Variants in GABRA3 observed in about 807,000 individuals in gnomAD.
GABRA3 encodes gamma-aminobutyric acid type A receptor subunit alpha3, also known as gamma-aminobutyric acid receptor subunit alpha-3.
A neutral mutation model predicts 30.1 loss-of-function variants in GABRA3; 10 were observed. The ratio of observed to expected loss-of-function variants is 0.33; its 90% confidence interval spans 0.20 to 0.56. The LOEUF (loss-of-function observed/expected upper bound fraction) is 0.56. Ranked by LOEUF, GABRA3 falls within the 20% of genes least tolerant of loss-of-function variation. GABRA3 has a pLI of 0.89. For synonymous variants in GABRA3, 151 were observed against 146.8 expected (o/e 1.03, Z -0.21); for missense variants, 233 against 392.0 (o/e 0.59, Z 3.42).
At chrX:152,203,174 T>G (rs12012215) in intron 7 of GABRA3, among the ~76,000 whole-genome samples, 1 of 111,319 alleles carries the variant, frequency 9.0e-6, no homozygotes, top group African/African-American at 3.3e-5. Context: ...TAGGGACATT[T>G]CCTGCAGATC....
rs61560461 is a variant in GABRA3 at position 152,176,065 on chromosome X, AAAATAAATAAATAAATAAAT to A, written c.1144-7522_1144-7503del. 1.2e-4 allele frequency among the ~76,000 whole-genome samples: 11 copies of A among 93,955 alleles called. No individual in the cohort carries two copies. The East Asian group carries it at 3.3e-3, about 28-fold the overall frequency. The allele number at this position is 93,955 out of a possible 115,157, so 81.6% of individuals were successfully genotyped here. Reference sequence around the variant, plus strand: ...GGTGACAGAGTGAGTTTCCATCTCAAAAATAAATAAATAAATAAATAAATAAATAAATAAATAAATAAATA... The same window carrying A: ...GGTGACAGAGTGAGTTTCCATCTCAAAAATAAATAAATAAATAAATAAATA... On this transcript the variant is annotated intron_variant, in intron 9 of 9. Coordinates refer to ENST00000370314, the MANE Select transcript of GABRA3 (RefSeq NM_000808.4).
At chrX:152,331,242 AC>A (rs759593198) in intron 3 of GABRA3, among the ~76,000 whole-genome samples, 204 of 109,490 alleles carry the variant, frequency 1.9e-3, no homozygotes, top group African/African-American at 6.6e-3. Context: ...ATTCAAAGGG[AC>A]CATCTACAGA....
At chrX:152,410,385 A>G (rs1220442158) in intron 1 of GABRA3, among the ~76,000 whole-genome samples, 1 of 111,898 alleles carries the variant, frequency 8.9e-6, no homozygotes, top group Non-Finnish European at 1.9e-5. Context: ...TGTTCCTAAC[A>G]CAAGGAAATG....
intron 3 of GABRA3, among the ~76,000 whole-genome samples, chrX:152,287,822 C>T (rs1294294774): frequency 9.1e-6 from 1 of 110,053 alleles, no homozygotes; most frequent in Non-Finnish European, 1.9e-5. Flanking sequence ...TCATTCAACA[C>T]CACTTCCTCT....
At chrX:152,187,533 A>C (rs747876216) in intron 9 of GABRA3, among the ~76,000 whole-genome samples, 155 of 112,234 alleles carry the variant, frequency 1.4e-3, no homozygotes, top group African/African-American at 4.8e-3. Context: ...ACACATGCAC[A>C]AGCACATACA....
intron 6 of GABRA3, among the ~76,000 whole-genome samples, chrX:152,213,804 T>C (rs996286471): frequency 2.7e-5 from 3 of 112,020 alleles, no homozygotes; most frequent in African/African-American, 9.7e-5. Flanking sequence ...CCAAGGATTC[T>C]CCAGATTTCT....
At chrX:152,443,676 A>G (rs1357188092) in intron 1 of GABRA3, among the ~76,000 whole-genome samples, 1 of 111,753 alleles carries the variant, frequency 8.9e-6, no homozygotes, top group African/African-American at 3.2e-5. Flanking sequence ...AAGGTTTAAA[A>G]AAGTAAAGCA....
intron 3 of GABRA3, among the ~76,000 whole-genome samples, chrX:152,285,732 G>T (rs1939280543): frequency 1.8e-5 from 2 of 110,162 alleles, no homozygotes; most frequent in Non-Finnish European, 1.9e-5. Flanking sequence ...TCTGGTGAGG[G>T]TCCACTCCTC....
chrX:152,359,210 T>A (rs1928408815), intron 2 of GABRA3, among the ~76,000 whole-genome samples: 1 of 111,052 alleles, frequency 9.0e-6, no homozygotes, highest in Non-Finnish European at 1.9e-5. Flanking sequence ...ATTGGTAGGC[T>A]TTTTTTTACT....
intron 3 of GABRA3, among the ~76,000 whole-genome samples, chrX:152,300,288 A>G (rs1229521060): frequency 8.9e-6 from 1 of 112,017 alleles, no homozygotes; most frequent in East Asian, 2.8e-4. Flanking sequence ...CATGTGTGAA[A>G]GAAACCAAAC....
chrX:152,407,578 G>A (rs755342147), intron 1 of GABRA3, among the ~76,000 whole-genome samples: 1 of 111,866 alleles, frequency 8.9e-6, no homozygotes, highest in South Asian at 3.7e-4. Flanking sequence ...GATAGAAGAA[G>A]TAATAAAATG....
intron 1 of GABRA3, among the ~76,000 whole-genome samples, chrX:152,434,314 C>A (rs1930723089): frequency 9.0e-6 from 1 of 111,200 alleles, no homozygotes; most frequent in Non-Finnish European, 1.9e-5. Context: ...ATGCTGGATG[C>A]TTCCTGCCCT....
At chrX:152,424,041 G>C in intron 1 of GABRA3, among the ~76,000 whole-genome samples, 1 of 111,078 alleles carries the variant, frequency 9.0e-6, no homozygotes, top group Non-Finnish European at 1.9e-5. Flanking sequence ...ATGATTCATA[G>C]GGATTGTAAT....
At chrX:152,385,883 G>C (rs1929291041) in intron 1 of GABRA3, among the ~76,000 whole-genome samples, 1 of 111,146 alleles carries the variant, frequency 9.0e-6, no homozygotes, top group Non-Finnish European at 1.9e-5. Context: ...TCTCACGTTT[G>C]TCAAAGATCA....
At chrX:152,374,725 T>C (rs1426144031) in intron 1 of GABRA3, among the ~76,000 whole-genome samples, 2 of 111,919 alleles carry the variant, frequency 1.8e-5, no homozygotes, top group African/African-American at 6.5e-5. Context: ...TCCTGAATGG[T>C]ATTACCTAGA....
chrX:152,423,330 T>C (rs1271258534), intron 1 of GABRA3, among the ~76,000 whole-genome samples: 1 of 111,655 alleles, frequency 9.0e-6, no homozygotes, highest in African/African-American at 3.3e-5. Flanking sequence ...CCTGACAAAT[T>C]TAAAGTTTGG....
intron 4 of GABRA3, among the ~76,000 whole-genome samples, chrX:152,257,783 A>T (rs901164899): frequency 8.9e-6 from 1 of 112,242 alleles, no homozygotes; most frequent in African/African-American, 3.2e-5. Flanking sequence ...CACAACACAA[A>T]AGTTCAAAAA....
chrX:152,447,305 C>G (rs1317816995), intron 1 of GABRA3, among the ~76,000 whole-genome samples: 1 of 111,364 alleles, frequency 9.0e-6, no homozygotes. Flanking sequence ...AGAATAAAGA[C>G]CAACAGCCTT....
intron 5 of GABRA3, among the ~76,000 whole-genome samples, chrX:152,231,368 T>C (rs1938077773): frequency 9.1e-6 from 1 of 109,996 alleles, no homozygotes; most frequent in Admixed American, 9.7e-5. Flanking sequence ...TATATATGTA[T>C]ATATGCAAAT....
Sources: gnomAD v4.1 joint callset for allele counts (sites outside exome capture counted in the v4.1 genomes callset) on GRCh38, gnomAD v4.1.1 for gene constraint, MANE v1.5 for transcripts, NCBI Gene and HGNC (gene_info 2026-07-23, HGNC 2026-07-21) for gene names.